The following COL24A1 variants were observed in gnomAD, a reference collection of about 807,000 sequenced individuals.
COL24A1 encodes the protein collagen type XXIV alpha 1 chain.
In COL24A1, 224 loss-of-function variants were observed where a neutral mutation model predicts 253.9. The observed-to-expected ratio is 0.88, with a 90% CI of 0.79 to 0.99. COL24A1 has a LOEUF of 0.99. Ranked by LOEUF, COL24A1 falls within the 50% of genes least tolerant of loss-of-function variation. The pLI is 0.00. For missense variants in COL24A1, 2,131 were observed against 2,068.5 expected, an observed-to-expected ratio of 1.03 and a Z score of -0.59; for synonymous variants, 685 against 673.7, an observed-to-expected ratio of 1.02 and a Z score of -0.26.
At chr1:86,139,515 T>A (rs1222597350) in intron 2 of COL24A1, among the ~76,000 whole-genome samples, 1 of 152,196 alleles carries the variant, frequency 6.6e-6, no homozygotes, top group Non-Finnish European at 1.5e-5. Context: ...AATGGACAGA[T>A]TTTTACATCT....
Position 85,823,546 on chromosome 1 carries a change from C to T in COL24A1, c.3779G>A (p.Arg1260Lys), listed in dbSNP as rs766886918. 2 of 1,613,992 alleles carry T rather than the reference C, an allele frequency of 1.2e-6. No individual in the cohort carries two copies. Among genetic ancestry groups the T allele is most frequent in the Non-Finnish European group, 1.7e-6 (2 of 1,179,930 alleles). ...ATAATTTCAACTTACTTCAGATCCT[C>T]TCTCTCCTTTTAGTCCTTGTTCACC... ...DQGEQGLKGE[R>K]GSEGNKGKKG... Residue 1260 changes from arginine to lysine, a missense_variant, in exon 45 of 60, where the codon AGA becomes AAA. By Grantham distance (26) the Arg-to-Lys change is conservative. Transcript: ENST00000370571.
intron 36 of COL24A1, 61 bp from the exon 37 acceptor site, chr1:85,868,687 A>G: frequency 6.6e-7 from 1 of 1,510,584 alleles, no homozygotes. Context: ...TGCCAATAAT[A>G]AACAGGTTTT....
At chr1:86,087,470 T>C (rs1444701191) in intron 7 of COL24A1, among the ~76,000 whole-genome samples, 1 of 152,150 alleles carries the variant, frequency 6.6e-6, no homozygotes, top group African/African-American at 2.4e-5. Context: ...TAATATTTAC[T>C]CCCAGAGACT....
chr1:85,924,599 G>A (rs1017921607), intron 24 of COL24A1, among the ~76,000 whole-genome samples: 1 of 152,068 alleles, frequency 6.6e-6, no homozygotes, highest in Non-Finnish European at 1.5e-5. Context: ...ATGCAGAAAA[G>A]GCCTTTGACA....
intron 24 of COL24A1, among the ~76,000 whole-genome samples, chr1:85,933,110 G>GA (rs202030543): frequency 5.6e-4 from 37 of 66,458 alleles, no homozygotes; most frequent in Non-Finnish European, 8.7e-4. Flanking sequence ...AAGAAAGAAA[G>GA]AAAAAAAAAA....
intron 59 of COL24A1, among the ~76,000 whole-genome samples, chr1:85,731,581 T>C (rs17128155): frequency 0.039 from 5,883 of 152,314 alleles, 198 homozygotes; most frequent in East Asian, 0.15. Context: ...CAATATTTAT[T>C]GAATACTAAG....
At chr1:86,020,613 A>C (rs1261546942) in intron 18 of COL24A1, among the ~76,000 whole-genome samples, 1 of 152,218 alleles carries the variant, frequency 6.6e-6, no homozygotes, top group African/African-American at 2.4e-5. Context: ...ATTGTAAAGC[A>C]CAAAAAAATA....
At chr1:85,736,386 C>A in intron 58 of COL24A1, 1 of 456,300 alleles carries the variant, frequency 2.2e-6, no homozygotes, top group South Asian at 1.5e-5. Context: ...GTTCACACAG[C>A]CCCATCTTCT....
chr1:85,839,999 A>G (rs980840049), intron 42 of COL24A1, among the ~76,000 whole-genome samples: 1 of 152,168 alleles, frequency 6.6e-6, no homozygotes, highest in Admixed American at 6.6e-5. Flanking sequence ...ATTAATTGAC[A>G]AATTTTAATT....
intron 39 of COL24A1, among the ~76,000 whole-genome samples, chr1:85,846,906 A>C (rs914439358): frequency 6.6e-6 from 1 of 152,134 alleles, no homozygotes; most frequent in African/African-American, 2.4e-5. Flanking sequence ...TTCCTCAGAC[A>C]ACAAATGGAT....
chr1:85,990,608 A>T (rs1489130341), intron 19 of COL24A1, among the ~76,000 whole-genome samples: 1 of 152,142 alleles, frequency 6.6e-6, no homozygotes, highest in Non-Finnish European at 1.5e-5. Flanking sequence ...CCCAGGTGTT[A>T]GGGGCCCCTG....
intron 37 of COL24A1, among the ~76,000 whole-genome samples, chr1:85,861,877 C>G (rs1005053639): frequency 6.6e-6 from 1 of 152,162 alleles, no homozygotes; most frequent in African/African-American, 2.4e-5. Flanking sequence ...TATGCTGCAG[C>G]TGTAATACCC....
At chr1:85,801,453 C>T (rs2101787928) in intron 47 of COL24A1, among the ~76,000 whole-genome samples, 1 of 152,188 alleles carries the variant, frequency 6.6e-6, no homozygotes, top group East Asian at 1.9e-4. Context: ...CTGTCTTTGG[C>T]ATTCCATAAG....
intron 18 of COL24A1, among the ~76,000 whole-genome samples, chr1:86,018,403 C>G (rs1021686629): frequency 2.0e-5 from 3 of 152,282 alleles, no homozygotes; most frequent in Admixed American, 6.5e-5. Context: ...AATCTGTGAT[C>G]CATCAGAATC....
intron 5 of COL24A1, among the ~76,000 whole-genome samples, chr1:86,110,001 T>C (rs1705383248): frequency 6.6e-6 from 1 of 152,190 alleles, no homozygotes; most frequent in Non-Finnish European, 1.5e-5. Context: ...TCTGGTGCTC[T>C]AATCTTGGAC....
At chr1:86,030,676 T>C (rs55766419) in intron 14 of COL24A1, 13,483 of 151,924 alleles carry the variant, frequency 0.089, 716 homozygotes, top group Middle Eastern at 0.19. Context: ...AGAAGGAAAC[T>C]AAATGGCAGG....
At chr1:85,885,397 A>ATATATATATATATATTTT (rs60994639) in intron 32 of COL24A1, among the ~76,000 whole-genome samples, 10 of 128,900 alleles carry the variant, frequency 7.8e-5, no homozygotes, top group Non-Finnish European at 1.6e-4. Context: ...ATATATATAT[A>ATATATATATATATATTTT]TTTTTTTTTT....
At chr1:86,019,288 G>A (rs538308428) in intron 18 of COL24A1, among the ~76,000 whole-genome samples, 1 of 152,188 alleles carries the variant, frequency 6.6e-6, no homozygotes, top group Admixed American at 6.5e-5. Flanking sequence ...CAGGTGCAGT[G>A]GCTCACACCT....
chr1:85,960,842 C>T, intron 24 of COL24A1: 1 of 180,074 alleles, frequency 5.6e-6, no homozygotes, highest in Non-Finnish European at 1.1e-5. Context: ...CAAGATCATG[C>T]CACTGTGCTC....
Sources: allele counts gnomAD v4.1 joint callset (sites outside exome capture counted in the v4.1 genomes callset), GRCh38; gene constraint gnomAD v4.1.1; transcripts MANE v1.5; gene names NCBI Gene and HGNC (gene_info 2026-07-23, HGNC 2026-07-21).